The following DNAH8 variants were observed in gnomAD, a reference collection of about 807,000 sequenced individuals.
DNAH8 encodes axonemal beta dynein heavy chain 8.
A neutral mutation model predicts 562.1 loss-of-function variants in DNAH8; 382 were observed. That is an observed-to-expected ratio of 0.68 (90% CI 0.63 to 0.74). DNAH8 has a LOEUF of 0.74. Among genes scored for constraint, DNAH8 ranks in the 30% least tolerant of loss-of-function variants. DNAH8 has a pLI of 0.00. For synonymous variants in DNAH8, 1,881 were observed against 1,919.4 expected (o/e 0.98, Z 0.52); for missense variants, 5,203 against 5,620.4 (o/e 0.93, Z 2.37).
At chr6:38,804,526 TGAGGCTGGCTTC>T (rs1200717424) in intron 22 of DNAH8, among the ~76,000 whole-genome samples, 3 of 152,080 alleles carry the variant, frequency 2.0e-5, no homozygotes, top group African/African-American at 7.2e-5. Context: ...GGAAGTAGTG[TGAGGCTGGCTTC>T]GAGCAAGGCT....
chr6:38,979,103 G>A (rs1405568975), intron 85 of DNAH8, among the ~76,000 whole-genome samples: 2 of 152,234 alleles, frequency 1.3e-5, no homozygotes, highest in Non-Finnish European at 2.9e-5. Context: ...CACAGGATTT[G>A]TGTTCCTAGT....
chr6:38,984,076 A>T (rs1049816473), intron 86 of DNAH8, 130 bp from the exon 87 acceptor site: 12 of 580,808 alleles, frequency 2.1e-5, no homozygotes, highest in Non-Finnish European at 3.4e-5. Flanking sequence ...ATATAAGACG[A>T]TGAATAATTT....
At chr6:38,777,345 T>C (rs1768170539) in intron 13 of DNAH8, among the ~76,000 whole-genome samples, 1 of 152,194 alleles carries the variant, frequency 6.6e-6, no homozygotes, top group African/African-American at 2.4e-5. Context: ...TATTGTGGAC[T>C]TAGATTCAAA....
rs147346319 is a variant in DNAH8, at chr6:38,780,680, G to A, written c.2140-574G>A. On this transcript the variant is annotated intron_variant, in intron 15 of 92. Coordinates refer to ENST00000327475, the MANE Select transcript of DNAH8 (RefSeq NM_001206927.2). Reference sequence around the variant, plus strand: ...ACAAAGAAGGGAACAGTAGACACTGGGGCCTACTGGAGGGTGGGAGAAGGG... The same window carrying A: ...ACAAAGAAGGGAACAGTAGACACTGAGGCCTACTGGAGGGTGGGAGAAGGG... 2.9e-3 allele frequency among the ~76,000 whole-genome samples: 448 copies of A among 152,200 alleles called. 3 individuals carry two copies. Among genetic ancestry groups the A allele is most frequent in the African/African-American group, 0.01 (433 of 41,512 alleles).
At chr6:38,958,342 G>C (rs1392007773) in intron 82 of DNAH8, among the ~76,000 whole-genome samples, 2 of 148,772 alleles carry the variant, frequency 1.3e-5, no homozygotes, top group African/African-American at 5.0e-5. Flanking sequence ...TCAACAAAAT[G>C]AAGTGATATA....
intron 44 of DNAH8, 111 bp downstream of exon 44, chr6:38,862,569 T>A: frequency 7.8e-7 from 1 of 1,277,222 alleles, no homozygotes; most frequent in African/African-American, 1.5e-5. Context: ...TCTACATTAG[T>A]ATGGGTTGAT....
At position 38,886,949 on chromosome 6, in the gene DNAH8, A is replaced by G. The variant is rs146625912; in HGVS notation, c.8418A>G (p.Gln2806=). The change falls in exon 57 of 93, where the codon CAA becomes CAG. Residue 2806 remains glutamine (Q), a synonymous_variant. Coordinates refer to ENST00000327475, the MANE Select transcript of DNAH8 (RefSeq NM_001206927.2). ...ATATTCCACAACGTTTAAAAAGACA[A>G]TTTACTGTGTTTAATTGTACATTGC... The part of the protein sequence containing the change: ...RNDIPQRLKR[Q]FTVFNCTLPS... 6.7e-5 allele frequency: 108 copies of G among 1,613,998 alleles called. No individual in the cohort carries two copies. The highest frequency in any genetic ancestry group is 4.9e-4 in the African/African-American group (37 of 75,052).
intron 35 of DNAH8, among the ~76,000 whole-genome samples, chr6:38,845,098 C>A (rs1343689047): frequency 6.6e-6 from 1 of 151,570 alleles, no homozygotes; most frequent in Non-Finnish European, 1.5e-5. Flanking sequence ...ATAGAAAAAC[C>A]CATAAGAAAA....
chr6:38,766,569 C>A (rs1001442396), intron 11 of DNAH8, among the ~76,000 whole-genome samples: 1 of 152,144 alleles, frequency 6.6e-6, no homozygotes, highest in African/African-American at 2.4e-5. Context: ...TCAATGCAAC[C>A]TCCGCCTCCT....
At chr6:38,882,527 A>C (rs1778575637) in intron 53 of DNAH8, among the ~76,000 whole-genome samples, 1 of 152,180 alleles carries the variant, frequency 6.6e-6, no homozygotes, top group African/African-American at 2.4e-5. Context: ...ACAGGGATGC[A>C]AAGAAAGGAA....
intron 11 of DNAH8, among the ~76,000 whole-genome samples, chr6:38,765,028 G>A (rs1234254767): frequency 6.6e-6 from 1 of 152,092 alleles, no homozygotes; most frequent in Non-Finnish European, 1.5e-5. Flanking sequence ...AGAGACAAGG[G>A]TTTCACCATG....
intron 8 of DNAH8, among the ~76,000 whole-genome samples, chr6:38,745,929 T>G (rs1039658592): frequency 1.1e-4 from 16 of 152,246 alleles, no homozygotes; most frequent in African/African-American, 3.6e-4. Flanking sequence ...TGTGCCTTAT[T>G]ACTGTTTTAA....
intron 75 of DNAH8, among the ~76,000 whole-genome samples, 177 bp from the exon 76 acceptor site, chr6:38,931,634 A>G (rs1324651377): frequency 1.3e-5 from 2 of 152,170 alleles, no homozygotes; most frequent in Non-Finnish European, 2.9e-5. Context: ...ACAATTCTAA[A>G]TTATTCTAAA....
At chr6:38,874,298 CCCCTCCCCTCCCCTTCCCTT>C (rs1432904908) in intron 52 of DNAH8, among the ~76,000 whole-genome samples, 40 of 58,452 alleles carry the variant, frequency 6.8e-4, no homozygotes, top group African/African-American at 2.0e-3. Context: ...CCCCTCCCCT[CCCCTCCCCTCCCCTTCCCTT>C]CCCTTCCCTC....
intron 88 of DNAH8, among the ~76,000 whole-genome samples, chr6:39,003,686 A>C (rs2150755520): frequency 6.6e-6 from 1 of 152,332 alleles, no homozygotes; most frequent in Admixed American, 6.5e-5. Flanking sequence ...ATCAATGAAT[A>C]TACAGCTACA....
At chr6:38,922,235 G>A (rs555513489) in intron 71 of DNAH8, among the ~76,000 whole-genome samples, 16 of 151,602 alleles carry the variant, frequency 1.1e-4, no homozygotes, top group African/African-American at 3.9e-4. Context: ...TAGGTTGTAA[G>A]CAGTGGTGGT....
rs200401493 is a variant in DNAH8 at position 38,791,591 on chromosome 6, C to T, written c.2818C>T (p.Leu940=). 1.9e-6 allele frequency: 3 copies of T among 1,613,728 alleles called. No individual in the cohort carries two copies. The highest frequency in any genetic ancestry group is 1.7e-6 in the Non-Finnish European group (2 of 1,179,868). Residue 940 remains leucine (L), a synonymous_variant, in exon 21 of 93, where the codon CTG becomes TTG. Transcript: ENST00000327475. ...GTGTGAAATGCATATTGATACAGTT[C>T]TGAAGGAGATAGCCAAAACTGTGTT... ...DLCEMHIDTV[L]KEIAKTVLIS... is the part of the protein sequence containing the mutation.
Position 38,795,512 on chromosome 6 carries a change from G to A in DNAH8, c.2901+3838G>A, listed in dbSNP as rs565653602. On this transcript the variant is annotated intron_variant, in intron 21 of 92. Transcript: ENST00000327475. The stretch of plus-strand genomic sequence containing the variant: ...GGAGAATGGCGTGAACCCAGGAGGC[G>A]GAGCTTGCAGTGAGCTGAGATCTCA... 1.8e-3 allele frequency among the ~76,000 whole-genome samples: 259 copies of A among 147,952 alleles called. 1 individual carries two copies. The highest frequency in any genetic ancestry group is 3.1e-3 in the Non-Finnish European group (206 of 66,510).
Position 38,775,906 on chromosome 6 carries a change from T to C in DNAH8, c.1917T>C (p.Phe639=). The C allele has an allele frequency of 1.9e-6, 3 of 1,613,174 alleles. No homozygotes were observed. The highest frequency in any genetic ancestry group is 2.5e-6 in the Non-Finnish European group (3 of 1,179,358). Residue 639 remains phenylalanine (F), a synonymous_variant, in exon 13 of 93, where the codon TTT becomes TTC. Coordinates refer to ENST00000327475, the MANE Select transcript of DNAH8 (RefSeq NM_001206927.2). The part of the protein sequence containing the change: ...YDILDPRRTE[F]DTDFLDFMTK... The stretch of plus-strand genomic sequence containing the variant: ...TTCTGGATCCAAGAAGGACAGAATT[T>C]GACACAGATTTCTTAGATTTCATGA...
Sources: allele counts gnomAD v4.1 joint callset (sites outside exome capture counted in the v4.1 genomes callset), GRCh38; gene constraint gnomAD v4.1.1; transcripts MANE v1.5; gene names NCBI Gene and HGNC (gene_info 2026-07-23, HGNC 2026-07-21).